Variants in TMEM214 observed in about 807,000 individuals in gnomAD.
The protein encoded by TMEM214 is transmembrane protein 214.
A neutral mutation model predicts 89.8 loss-of-function variants in TMEM214; 71 were observed. That is an observed-to-expected ratio of 0.79 (90% CI 0.65 to 0.96). The LOEUF (loss-of-function observed/expected upper bound fraction) is 0.96, where lower values mean the gene tolerates loss of function less well. TMEM214 is among the 40% of genes least tolerant of loss of function. The probability of loss-of-function intolerance (pLI) is 0.00; values close to 1 mark genes in which losing one functional copy is unlikely to be tolerated. For missense variants in TMEM214, 754 were observed against 843.4 expected, an observed-to-expected ratio of 0.89 and a Z score of 1.31; for synonymous variants, 332 against 349.5, an observed-to-expected ratio of 0.95 and a Z score of 0.56.
chr2:27,040,219 C>G (rs1446421181), intron 15 of TMEM214, 21 bp downstream of exon 15: 9 of 1,605,008 alleles, frequency 5.6e-6, no homozygotes, highest in Admixed American at 1.7e-5. Context: ...GACAGGGAGT[C>G]AAATAAGGGG....
Position 27,035,167 on chromosome 2 carries a change from C to G in TMEM214, c.384C>G (p.Asp128Glu). ...LDVADLQKEL[D>E]KSQSVFSGNP... ...TGGCAGACCTGCAGAAGGAACTGGACAAGAGCCAGAGTGTGTTCTCTGGAA... is the reference window on the plus strand; with the variant it reads ...TGGCAGACCTGCAGAAGGAACTGGAGAAGAGCCAGAGTGTGTTCTCTGGAA... Residue 128 changes from aspartate (D) to glutamate (E), a missense_variant, in exon 3 of 17, where the codon GAC becomes GAG. Physicochemically the swap from Asp to Glu is conservative, Grantham distance 45. Coordinates refer to ENST00000238788, the MANE Select transcript of TMEM214 (RefSeq NM_017727.5). 6.2e-7 allele frequency: 1 copy of G among 1,614,082 alleles called. No individual in the cohort carries two copies. The highest frequency in any genetic ancestry group is 8.5e-7 in the Non-Finnish European group (1 of 1,180,032).
At position 27,038,319 on chromosome 2, in the gene TMEM214, T is replaced by C; in HGVS notation, c.1244+82T>C. On this transcript the variant is annotated intron_variant, in intron 10 of 16. Transcript: ENST00000238788. The surrounding 1 kb of genome is among the most constrained non-coding windows in gnomAD (Gnocchi z 4.4). ...GTCACTGTCCCATGGCCTGACACCT[T>C]TCAGGCTGAGTGGGAACATTGCTGG... 6.4e-7 allele frequency: 1 copy of C among 1,557,442 alleles called. No homozygotes were observed. The highest frequency in any genetic ancestry group is 8.8e-7 in the Non-Finnish European group (1 of 1,131,428).
At chr2:27,035,433 C>T in intron 3 of TMEM214, 148 bp downstream of exon 3, 1 of 1,412,100 alleles carries the variant, frequency 7.1e-7, no homozygotes, top group Non-Finnish European at 9.6e-7. Flanking sequence ...TGTTTCTGGG[C>T]CTCATTCTGT....
rs1443215608 is a variant in TMEM214, at chr2:27,034,257, A to G, written c.342A>G (p.Ala114=). 2 of 1,613,652 alleles carry G rather than the reference A, an allele frequency of 1.2e-6. No individual in the cohort carries two copies. The highest frequency in any genetic ancestry group is 1.7e-5 in the Admixed American group (1 of 59,994). ...KQGRFRSLEE[A]LKALDVADLQ... ...GCCGCTTCCGCAGCCTGGAGGAAGC[A>G]CTGAAAGCTGTGAGTGTGCCTAGAC... is the stretch of plus-strand genomic sequence containing the variant. Residue 114 remains alanine, a synonymous_variant, in exon 2 of 17, where the codon GCA becomes GCG. Transcript: ENST00000238788.
chr2:27,035,874 T>G, intron 4 of TMEM214, 96 bp from the exon 5 acceptor site: 2 of 1,575,006 alleles, frequency 1.3e-6, no homozygotes, highest in Non-Finnish European at 1.7e-6. Flanking sequence ...TAGGAGTCAG[T>G]GGACCTGGGG....
rs189298059 is a variant in TMEM214 at position 27,041,076 on chromosome 2, C to T, written c.*239C>T. The T allele has an allele frequency of 4.0e-6, 2 of 504,126 alleles. No homozygotes were observed. Among genetic ancestry groups the T allele is most frequent in the Admixed American group, 6.7e-5 (2 of 30,060 alleles). The allele number at this position is 504,126 out of a possible 1,614,324, so 31.2% of individuals were successfully genotyped here. On this transcript the variant is annotated 3_prime_UTR_variant, in exon 17 of 17. Coordinates refer to ENST00000238788, the MANE Select transcript of TMEM214 (RefSeq NM_017727.5). ...TTTTCTGGCCCTACTGCACATGGCC[C>T]CCAGCCTCCATCCTTGTGCTGGTAG...
chr2:27,040,195 G>T lies in TMEM214; in HGVS notation c.1788G>T (p.Gln596His). Residue 596 changes from glutamine to histidine, a missense_variant, in exon 15 of 17, where the codon CAG (glutamine) becomes CAT (histidine). Coordinates refer to ENST00000238788, the MANE Select transcript of TMEM214 (RefSeq NM_017727.5). ...WFGDSLTSLSQRLQIQLPDSV... is the reference protein window; with the variant it reads ...WFGDSLTSLSHRLQIQLPDSV... The stretch of plus-strand genomic sequence containing the variant: ...GTGACAGTCTCACCAGTCTCTCTCA[G>T]AGGGTAAGTCAGAGACAGGGAGTCA... 1 of 1,605,846 alleles carries T rather than the reference G, an allele frequency of 6.2e-7. No individual in the cohort carries two copies. Among genetic ancestry groups the T allele is most frequent in the Non-Finnish European group, 8.5e-7 (1 of 1,179,980 alleles).
chr2:27,038,032 G>A lies in TMEM214; in HGVS notation c.1153-114G>A. 1.2e-6 allele frequency: 2 copies of A among 1,609,102 alleles called. No homozygotes were observed. Among genetic ancestry groups the A allele is most frequent in the Non-Finnish European group, 1.7e-6 (2 of 1,178,540 alleles). On this transcript the variant is annotated intron_variant, in intron 9 of 16. Coordinates refer to ENST00000238788, the MANE Select transcript of TMEM214 (RefSeq NM_017727.5). This position sits in a 1 kb window ranked among gnomAD's most constrained non-coding sequence, Gnocchi z 4.4. ...TTGACACTGTTTCTCCACCCCTTAGGGTGGATGTGCGGCCTGGATGGCCTT... is the reference window on the plus strand; with the variant it reads ...TTGACACTGTTTCTCCACCCCTTAGAGTGGATGTGCGGCCTGGATGGCCTT...
rs1667707474 is a variant in TMEM214, at chr2:27,039,155, T to C, written c.1516T>C (p.Ser506Pro). 1.2e-6 allele frequency: 2 copies of C among 1,613,650 alleles called. No individual in the cohort carries two copies. The highest frequency in any genetic ancestry group is 4.5e-5 in the East Asian group (2 of 44,874). The change falls in exon 13 of 17, where the codon TCC becomes CCC. Residue 506 changes from serine (S) to proline (P), a missense_variant. By Grantham distance (74) the Ser-to-Pro change is moderately conservative. Transcript: ENST00000238788. ...GTGCCATGACCTCCGGTCACACAGC[T>C]CCTTCCAGGGTAAGCAGCAATGGGC... Reference protein sequence around the residue: ...FLCHDLRSHSSFQASLTGRLL... With the variant: ...FLCHDLRSHSPFQASLTGRLL...
chr2:27,041,022 A>G lies in TMEM214; in HGVS notation c.*185A>G. The stretch of plus-strand genomic sequence containing the variant: ...TGGGGACAGGGCCCAGCAGCATCTC[A>G]GCCTCCTACCCACAATTCCACTGAA... On this transcript the variant is annotated 3_prime_UTR_variant, in exon 17 of 17. Coordinates refer to ENST00000238788, the MANE Select transcript of TMEM214 (RefSeq NM_017727.5). The G allele has an allele frequency of 1.5e-6, 1 of 666,642 alleles. No individual in the cohort carries two copies. Among genetic ancestry groups the G allele is most frequent in the Non-Finnish European group, 2.5e-6 (1 of 400,368 alleles). 41.3% of individuals were successfully genotyped at this position (666,642 alleles called of 1,614,324 possible). A position where few individuals can be genotyped will look rare whatever the true frequency, so the allele number is the denominator to read the frequency against.
intron 16 of TMEM214, 24 bp downstream of exon 16, chr2:27,040,520 G>T (rs755677400): frequency 1.9e-6 from 3 of 1,609,442 alleles, no homozygotes; most frequent in Non-Finnish European, 2.5e-6. Flanking sequence ...CCAGGGCTCC[G>T]GCAGGATCCC....
chr2:27,036,424 C>CT (rs1206682967), intron 5 of TMEM214, 63 bp from the exon 6 acceptor site: 2 of 1,376,590 alleles, frequency 1.5e-6, no homozygotes, highest in Non-Finnish European at 2.1e-6. Flanking sequence ...TCCCTCCTGG[C>CT]TTTGGGGGGT....
intron 8 of TMEM214, among the ~76,000 whole-genome samples, 183 bp downstream of exon 8, chr2:27,037,361 T>C (rs531144852): frequency 6.6e-6 from 1 of 152,192 alleles, no homozygotes; most frequent in South Asian, 2.1e-4. Context: ...GTGATTGGCA[T>C]ATGGGCATTT....
At position 27,036,165 on chromosome 2, in the gene TMEM214, TAATG is replaced by T; in HGVS notation, c.720+114_720+117del. The T allele has an allele frequency of 3.2e-6, 3 of 929,862 alleles. No individual in the cohort carries two copies. In the South Asian group the frequency reaches 4.3e-5, roughly 13 times the overall value. The allele number at this position is 929,862 out of a possible 1,614,324, so 57.6% of individuals were successfully genotyped here. A position where few individuals can be genotyped will look rare whatever the true frequency, so the allele number is the denominator to read the frequency against. ...AGTGGAAGACCTGTAAGCCTAGTAATAATGGGTAACACTATTAGCACCTATCCTG... is the reference window on the plus strand; with the variant it reads ...AGTGGAAGACCTGTAAGCCTAGTAATGGTAACACTATTAGCACCTATCCTG... On this transcript the variant is annotated intron_variant, in intron 5 of 16. Transcript: ENST00000238788.
intron 2 of TMEM214, chr2:27,034,505 C>T (rs1558394911): frequency 1.9e-6 from 1 of 519,816 alleles, no homozygotes; most frequent in East Asian, 3.4e-5. Context: ...CCTTGAAGAC[C>T]CAGGAACACC....
chr2:27,037,002 G>A (rs549100654), intron 7 of TMEM214, 75 bp from the exon 8 acceptor site: 3 of 1,363,096 alleles, frequency 2.2e-6, no homozygotes, highest in South Asian at 1.2e-5. Flanking sequence ...CTAGATGTTG[G>A]CTTAGCTGGG....
Position 27,040,828 on chromosome 2 carries a change from C to G in TMEM214, c.2061C>G (p.Ser687=), listed in dbSNP as rs1463249160. The G allele has an allele frequency of 6.2e-7, 1 of 1,613,654 alleles. No individual in the cohort carries two copies. Among genetic ancestry groups the G allele is most frequent in the Non-Finnish European group, 8.5e-7 (1 of 1,179,582 alleles). The stretch of plus-strand genomic sequence containing the variant: ...TGGACTGGGCACTTGCCCTGATATC[C>G]CAGCAGTAGGCCCTGCCTTCCTGGC... ...AFLDWALALI[S]QQ Residue 687 remains serine (S), a synonymous_variant, in exon 17 of 17, where the codon TCC becomes TCG. Transcript: ENST00000238788.
chr2:27,035,249 C>A lies in TMEM214; in HGVS notation c.466C>A (p.Pro156Thr), dbSNP rs1244766531. ...ASYLNYKLQA[P>T]LSEPTLSQHT... ...CTATCTCAACTACAAGCTACAAGCT[C>A]CTCTAAGTGAACCCACGCTGAGCCA... The change falls in exon 3 of 17, where the codon CCT (proline) becomes ACT (threonine). Residue 156 changes from proline (P) to threonine (T), a missense_variant. Physicochemically the swap from Pro to Thr is conservative, Grantham distance 38. Coordinates refer to ENST00000238788, the MANE Select transcript of TMEM214 (RefSeq NM_017727.5). The A allele has an allele frequency of 3.1e-6, 5 of 1,614,082 alleles. No individual in the cohort carries two copies. In the South Asian group the frequency reaches 5.5e-5, roughly 18 times the overall value.
At position 27,034,215 on chromosome 2, in the gene TMEM214, C is replaced by A; in HGVS notation, c.300C>A (p.Asn100Lys). 6.2e-7 allele frequency: 1 copy of A among 1,614,174 alleles called. No homozygotes were observed. The highest frequency in any genetic ancestry group is 8.5e-7 in the Non-Finnish European group (1 of 1,180,046). The change falls in exon 2 of 17, where the codon AAC (asparagine) becomes AAA (lysine). Residue 100 changes from asparagine (N) to lysine (K), a missense_variant. Transcript: ENST00000238788. Reference protein sequence around the residue: ...KQPKKVATPPNQNQKQGRFRS... With the variant: ...KQPKKVATPPKQNQKQGRFRS... ...CAAAGAAGGTGGCAACTCCTCCCAACCAAAACCAGAAGCAGGGCCGCTTCC... is the reference window on the plus strand; with the variant it reads ...CAAAGAAGGTGGCAACTCCTCCCAAACAAAACCAGAAGCAGGGCCGCTTCC...
Sources: gnomAD v4.1 joint callset for allele counts (sites outside exome capture counted in the v4.1 genomes callset) on GRCh38, gnomAD v4.1.1 for gene constraint, Gnocchi (gnomAD v3.1) non-coding constraint, MANE v1.5 for transcripts, NCBI Gene and HGNC (gene_info 2026-07-23, HGNC 2026-07-21) for gene names.